The following KDM2B variants were observed in gnomAD, a reference collection of about 807,000 sequenced individuals.
The protein encoded by KDM2B is lysine-specific demethylase 2B.
Under a neutral mutation model 150.0 loss-of-function variants are expected in KDM2B, and 26 were observed. The ratio of observed to expected loss-of-function variants is 0.17; its 90% CI spans 0.13 to 0.24. The LOEUF is 0.24. Ranked by LOEUF, KDM2B falls within the 10% of genes least tolerant of loss-of-function variation. The probability of loss-of-function intolerance (pLI) is 1.00; values close to 1 mark genes in which losing one functional copy is unlikely to be tolerated. For missense variants in KDM2B, 1,265 were observed against 1,816.9 expected (o/e 0.70, Z 5.52); for synonymous variants, 734 against 729.5 (o/e 1.01, Z -0.10).
At chr12:121,448,298 C>T (rs547575821) in intron 13 of KDM2B, among the ~76,000 whole-genome samples, 151 of 117,156 alleles carry the variant, frequency 1.3e-3, no homozygotes, top group South Asian at 2.1e-3. Context: ...CCAGCCTGAG[C>T]GACACAGCAA....
At chr12:121,479,171 C>G (rs1171354605) in intron 12 of KDM2B, among the ~76,000 whole-genome samples, 1 of 150,810 alleles carries the variant, frequency 6.6e-6, no homozygotes, top group Non-Finnish European at 1.5e-5. Flanking sequence ...GGGGCTTGGC[C>G]GGGCGCGGTG....
At chr12:121,560,060 A>C (rs1187826513) in intron 4 of KDM2B, among the ~76,000 whole-genome samples, 1 of 152,114 alleles carries the variant, frequency 6.6e-6, no homozygotes, top group African/African-American at 2.4e-5. Context: ...GCTGGAGTGC[A>C]ATGGTGCCAT....
intron 11 of KDM2B, among the ~76,000 whole-genome samples, chr12:121,501,441 A>T (rs1884534654): frequency 6.6e-6 from 1 of 152,158 alleles, no homozygotes; most frequent in Non-Finnish European, 1.5e-5. Context: ...ATGAAGGCAG[A>T]GACTGGAGTG....
chr12:121,437,842 G>A (rs1466010114), intron 22 of KDM2B, among the ~76,000 whole-genome samples: 2 of 151,810 alleles, frequency 1.3e-5, no homozygotes, highest in Admixed American at 6.6e-5. Flanking sequence ...ATCAGGACAA[G>A]CTTATTTTTC....
chr12:121,410,673 T>A, the KDM2B span, among the ~76,000 whole-genome samples: 3 of 150,664 alleles, frequency 2.0e-5, no homozygotes, highest in Non-Finnish European at 4.4e-5. Context: ...CTCTCAGAGA[T>A]GATAACTATA....
In KDM2B at chr12:121,430,298, T is replaced by C. The variant is rs1555285195; in HGVS notation, c.4001A>G (p.Lys1334Arg). 6.2e-7 allele frequency: 1 copy of C among 1,614,132 alleles called. No individual in the cohort carries two copies. The highest frequency in any genetic ancestry group is 1.7e-5 in the Admixed American group (1 of 60,012). ...FGQVEEKLLQKLS is the reference protein window; with the variant it reads ...FGQVEEKLLQRLS ...ATACTTATCCTTGGACTAACTCAGT[T>C]TTTGCAGGAGTTTTTCTTCTACTTG... Residue 1334 changes from lysine (K) to arginine (R), a missense_variant, in exon 23 of 23, where the codon AAA becomes AGA. Lys to Arg is a conservative substitution (Grantham distance 26). Coordinates refer to ENST00000377071, the MANE Select transcript of KDM2B (RefSeq NM_032590.5). This position sits in a 1 kb window ranked among gnomAD's most constrained non-coding sequence, Gnocchi z 4.4.
At chr12:121,412,364 C>T in the KDM2B span, among the ~76,000 whole-genome samples, 3 of 151,414 alleles carry the variant, frequency 2.0e-5, no homozygotes, top group Non-Finnish European at 4.4e-5. Flanking sequence ...CTTAGCCTCC[C>T]GAGTAGCTGG....
At chr12:121,506,865 G>A (rs534729169) in intron 11 of KDM2B, among the ~76,000 whole-genome samples, 4 of 152,222 alleles carry the variant, frequency 2.6e-5, no homozygotes, top group Non-Finnish European at 5.9e-5. Flanking sequence ...GAACCCCAGA[G>A]GTGGAGGTTG....
intron 17 of KDM2B, 154 bp from the exon 18 acceptor site, chr12:121,443,184 A>T (rs1208714199): frequency 1.4e-5 from 10 of 696,516 alleles, no homozygotes; most frequent in Non-Finnish European, 2.2e-5. Context: ...TGACCGACAG[A>T]CGGGCGAGCC....
intron 22 of KDM2B, among the ~76,000 whole-genome samples, chr12:121,439,053 G>A (rs1429919937): frequency 2.6e-5 from 4 of 152,154 alleles, no homozygotes; most frequent in African/African-American, 9.7e-5. Context: ...CGAAGATCCT[G>A]CACCACAGCG....
Position 121,533,034 on chromosome 12 carries a change from G to A in KDM2B, c.778-75C>T. On this transcript the variant is annotated intron_variant, in intron 7 of 22. Transcript: ENST00000377071. The surrounding 1 kb of genome is among the most constrained non-coding windows in gnomAD (Gnocchi z 4.1). ...CCCAGAGAGAGGGCCCCACCTGCCT[G>A]GCGGAAGGGGAGGGGGCGAGACAAG... The A allele has an allele frequency of 6.7e-7, 1 of 1,503,318 alleles. No homozygotes were observed. Among genetic ancestry groups the A allele is most frequent in the Non-Finnish European group, 9.2e-7 (1 of 1,090,402 alleles). 93.1% of individuals were successfully genotyped at this position (1,503,318 alleles called of 1,614,324 possible).
At chr12:121,571,554 A>G (rs1321953823) in intron 4 of KDM2B, among the ~76,000 whole-genome samples, 1 of 151,898 alleles carries the variant, frequency 6.6e-6, no homozygotes, top group Non-Finnish European at 1.5e-5. Flanking sequence ...TCAACTTCCC[A>G]AAGCGCTGGG....
intron 6 of KDM2B, among the ~76,000 whole-genome samples, chr12:121,545,517 T>A (rs1432372240): frequency 6.6e-6 from 1 of 152,114 alleles, no homozygotes; most frequent in South Asian, 2.1e-4. Context: ...ATGCTGAGTA[T>A]CTCAGGAAGG....
chr12:121,419,243 C>CA, the KDM2B span, among the ~76,000 whole-genome samples: 2 of 152,180 alleles, frequency 1.3e-5, no homozygotes, highest in Admixed American at 1.3e-4. Flanking sequence ...AGTACACTAA[C>CA]GTGATGTACG....
chr12:121,466,819 C>T (rs1232715284), intron 12 of KDM2B, among the ~76,000 whole-genome samples: 13 of 145,860 alleles, frequency 8.9e-5, no homozygotes, highest in African/African-American at 3.2e-4. Context: ...GAGGGCGCGG[C>T]GCGCCCCGCG....
At chr12:121,559,601 T>C (rs1890186149) in intron 4 of KDM2B, among the ~76,000 whole-genome samples, 1 of 151,960 alleles carries the variant, frequency 6.6e-6, no homozygotes, top group Non-Finnish European at 1.5e-5. Context: ...GAAAGAGACT[T>C]AAAATGCAGC....
Position 121,509,758 on chromosome 12 carries a change from A to G in KDM2B, c.1456T>C (p.Leu486=). The G allele has an allele frequency of 6.2e-7, 1 of 1,614,054 alleles. No homozygotes were observed. The highest frequency in any genetic ancestry group is 1.3e-5 in the African/African-American group (1 of 75,012). Residue 486 remains leucine (L), a synonymous_variant, in exon 11 of 23, where the codon TTG becomes CTG. Transcript: ENST00000377071. ...ESEESVKSTT[L]AVDYPKTPTG... ...GGGGTCTTGGGGTAGTCTACGGCCA[A>G]TGTGGTGGACTTCACACTTTCCTCC...
At chr12:121,546,250 A>C (rs1348817043) in intron 6 of KDM2B, among the ~76,000 whole-genome samples, 6 of 152,028 alleles carry the variant, frequency 3.9e-5, no homozygotes, top group African/African-American at 1.5e-4. Context: ...CAATCAACCA[A>C]TCAATGAACC....
At chr12:121,495,786 G>A (rs782667277) in intron 11 of KDM2B, among the ~76,000 whole-genome samples, 15 of 152,132 alleles carry the variant, frequency 9.9e-5, no homozygotes, top group Non-Finnish European at 1.9e-4. Context: ...GTGTGACGAC[G>A]TGTAAATGTT....
Sources: allele counts gnomAD v4.1 joint callset (sites outside exome capture counted in the v4.1 genomes callset), GRCh38; gene constraint gnomAD v4.1.1; non-coding constraint Gnocchi (gnomAD v3.1); transcripts MANE v1.5; gene names NCBI Gene and HGNC (gene_info 2026-07-23, HGNC 2026-07-21).